LAPTM4B: variants seen among roughly 807,000 people sequenced by gnomAD.
The protein encoded by LAPTM4B is lysosomal-associated transmembrane protein 4B.
A neutral mutation model predicts 28.5 loss-of-function variants in LAPTM4B; 26 were observed. That is an observed-to-expected ratio of 0.91 (90% CI 0.67 to 1.27). The LOEUF is 1.27. Among genes scored for constraint, LAPTM4B ranks in the 50% most tolerant of loss-of-function variants. LAPTM4B has a pLI of 0.00. For synonymous variants in LAPTM4B, 109 were observed against 106.4 expected, an observed-to-expected ratio of 1.02 and a Z score of -0.15; for missense variants, 288 against 285.8, an observed-to-expected ratio of 1.01 and a Z score of -0.06.
intron 1 of LAPTM4B, among the ~76,000 whole-genome samples, chr8:97,786,408 T>TAAAA (rs34540509): frequency 0.64 from 95,208 of 147,738 alleles, 31,088 homozygotes; most frequent in East Asian, 0.77. Flanking sequence ...ACATTGAACT[T>TAAAA]AAAAAAAAAA....
At chr8:97,798,107 T>C (rs1816619297) in intron 1 of LAPTM4B, among the ~76,000 whole-genome samples, 1 of 152,168 alleles carries the variant, frequency 6.6e-6, no homozygotes, top group Non-Finnish European at 1.5e-5. Context: ...GTCGTCTTGG[T>C]TCTCATTTGT....
chr8:97,839,067 T>C (rs550953024), intron 6 of LAPTM4B, among the ~76,000 whole-genome samples: 1 of 152,318 alleles, frequency 6.6e-6, no homozygotes, highest in East Asian at 1.9e-4. Context: ...GACTACATGC[T>C]CCTGAGATTT....
At chr8:97,843,468 A>G (rs72673472) in intron 6 of LAPTM4B, among the ~76,000 whole-genome samples, 25,818 of 152,146 alleles carry the variant, frequency 0.17, 2,292 homozygotes, top group East Asian at 0.23. Flanking sequence ...TTAACAAACT[A>G]TAGTGGAAAA....
Position 97,852,978 on chromosome 8 carries a change from C to G in LAPTM4B, c.*1504C>G. 5.0e-6 allele frequency: 3 copies of G among 600,248 alleles called. No homozygotes were observed. The highest frequency in any genetic ancestry group is 8.1e-6 in the Non-Finnish European group (3 of 369,024). 37.2% of individuals were successfully genotyped at this position (600,248 alleles called of 1,614,324 possible). On this transcript the variant is annotated 3_prime_UTR_variant, in exon 7 of 7. Coordinates refer to ENST00000521545, the MANE Select transcript of LAPTM4B (RefSeq NM_018407.6). ...AAACAGAAGTAGAAAAAGGTGTAGC[C>G]GGCATACAAATGTTATCTACAGTGT... is the stretch of plus-strand genomic sequence containing the variant.
At chr8:97,832,985 T>C (rs1817208427) in intron 6 of LAPTM4B, among the ~76,000 whole-genome samples, 1 of 148,242 alleles carries the variant, frequency 6.7e-6, no homozygotes, top group Non-Finnish European at 1.5e-5. Context: ...GGGTTACAGG[T>C]GTGAGCCACC....
In LAPTM4B at chr8:97,851,540, T is replaced by C; in HGVS notation, c.*66T>C. Reference sequence around the variant, plus strand: ...GCAGACATCTGAGCAATAGTTCTGTTATTTCACTTTTGCCATGAGCCTCTC... The same window carrying C: ...GCAGACATCTGAGCAATAGTTCTGTCATTTCACTTTTGCCATGAGCCTCTC... On this transcript the variant is annotated 3_prime_UTR_variant, in exon 7 of 7. Transcript: ENST00000521545. 1 of 1,225,766 alleles carries C rather than the reference T, an allele frequency of 8.2e-7. No homozygotes were observed. The highest frequency in any genetic ancestry group is 1.7e-5 in the Admixed American group (1 of 57,726). The allele number at this position is 1,225,766 out of a possible 1,614,324, so 75.9% of individuals were successfully genotyped here. A position where few individuals can be genotyped will look rare whatever the true frequency, so the allele number is the denominator to read the frequency against.
Position 97,817,445 on chromosome 8 carries a change from C to CTTTT in LAPTM4B, c.408+1282_408+1285dup, listed in dbSNP as rs753483537. Among the ~76,000 whole-genome samples the CTTTT allele has an allele frequency of 6.7e-5, 6 of 89,000 alleles. 1 individual carries two copies. Among genetic ancestry groups the CTTTT allele is most frequent in the Admixed American group, 1.3e-4 (1 of 7,458 alleles). The allele number at this position is 89,000 out of a possible 152,430, so 58.4% of individuals were successfully genotyped here. A position where few individuals can be genotyped will look rare whatever the true frequency, so the allele number is the denominator to read the frequency against. On this transcript the variant is annotated intron_variant, in intron 4 of 6. Coordinates refer to ENST00000521545, the MANE Select transcript of LAPTM4B (RefSeq NM_018407.6). ...GACTCACTGTACCAGGCCAACTTTA[C>CTTTT]TTTTTTTTTTTTTTTTTTTTGAGAC...
At chr8:97,788,700 A>G (rs1337679396) in intron 1 of LAPTM4B, among the ~76,000 whole-genome samples, 1 of 147,710 alleles carries the variant, frequency 6.8e-6, no homozygotes, top group Admixed American at 6.8e-5. Context: ...TCTGACAGCC[A>G]TTTTTTTTTT....
At chr8:97,797,069 G>T (rs773796849) in intron 1 of LAPTM4B, among the ~76,000 whole-genome samples, 1 of 152,056 alleles carries the variant, frequency 6.6e-6, no homozygotes, top group Non-Finnish European at 1.5e-5. Flanking sequence ...TTGAGACCAG[G>T]TCGAGTAATA....
intron 6 of LAPTM4B, among the ~76,000 whole-genome samples, chr8:97,829,947 G>T (rs574154381): frequency 1.3e-5 from 2 of 152,144 alleles, no homozygotes; most frequent in African/African-American, 4.8e-5. Context: ...CACCTGCCTC[G>T]GCCTCCTAAT....
chr8:97,840,194 ATTTAC>A (rs1442573943), intron 6 of LAPTM4B, among the ~76,000 whole-genome samples: 1 of 152,206 alleles, frequency 6.6e-6, no homozygotes, highest in Non-Finnish European at 1.5e-5. Flanking sequence ...AATATCCAGT[ATTTAC>A]TTAACTATTA....
At chr8:97,807,036 G>A in intron 2 of LAPTM4B, among the ~76,000 whole-genome samples, 1 of 152,148 alleles carries the variant, frequency 6.6e-6, no homozygotes, top group East Asian at 1.9e-4. Flanking sequence ...CCAGCCATGT[G>A]GAACTGTAAG....
At chr8:97,825,028 A>T (rs1184665556) in intron 5 of LAPTM4B, 30 bp from the exon 6 acceptor site, 2 of 1,317,330 alleles carry the variant, frequency 1.5e-6, no homozygotes, top group Admixed American at 1.7e-5. Flanking sequence ...TTTGAAAATT[A>T]AAAATCTGAT....
intron 1 of LAPTM4B, among the ~76,000 whole-genome samples, chr8:97,777,513 T>G (rs1353508813): frequency 6.6e-6 from 1 of 151,984 alleles, no homozygotes; most frequent in Non-Finnish European, 1.5e-5. Flanking sequence ...ATTGGGCCCA[T>G]TTTTGGGTAG....
rs888932222 is a variant in LAPTM4B, at chr8:97,819,326, G to A, written c.507+88G>A. 1.2e-4 allele frequency: 93 copies of A among 759,148 alleles called. No homozygotes were observed. In the African/African-American group the frequency reaches 1.4e-3, roughly 12 times the overall value. 47.0% of individuals were successfully genotyped at this position (759,148 alleles called of 1,614,324 possible). ...GTAAACAAACTTTGGTCAGTTTATT[G>A]TCTTTCTTTGGACATCCAAATTGCT... On this transcript the variant is annotated intron_variant, in intron 5 of 6. Coordinates refer to ENST00000521545, the MANE Select transcript of LAPTM4B (RefSeq NM_018407.6).
At chr8:97,846,811 C>T (rs549766723) in intron 6 of LAPTM4B, among the ~76,000 whole-genome samples, 4 of 152,322 alleles carry the variant, frequency 2.6e-5, no homozygotes, top group East Asian at 3.9e-4. Context: ...CCACCTCACT[C>T]AACTTCCCAG....
At chr8:97,848,814 T>TA (rs1817469688) in intron 6 of LAPTM4B, among the ~76,000 whole-genome samples, 1 of 152,230 alleles carries the variant, frequency 6.6e-6, no homozygotes, top group South Asian at 2.1e-4. Flanking sequence ...TGTTTCCACT[T>TA]GTTATAAGTT....
At chr8:97,822,345 C>T (rs1004012674) in intron 5 of LAPTM4B, among the ~76,000 whole-genome samples, 6 of 151,904 alleles carry the variant, frequency 3.9e-5, no homozygotes, top group Admixed American at 6.6e-5. Flanking sequence ...ATCTTACCTG[C>T]AGGAAGGTTA....
chr8:97,839,612 T>C (rs1817314955), intron 6 of LAPTM4B, among the ~76,000 whole-genome samples: 1 of 152,174 alleles, frequency 6.6e-6, no homozygotes, highest in South Asian at 2.1e-4. Flanking sequence ...TTGTAAACGT[T>C]AGGAGGCTTT....
Sources: allele counts gnomAD v4.1 joint callset (sites outside exome capture counted in the v4.1 genomes callset), GRCh38; gene constraint gnomAD v4.1.1; transcripts MANE v1.5; gene names NCBI Gene and HGNC (gene_info 2026-07-23, HGNC 2026-07-21).